NNMT: variants seen among roughly 807,000 people sequenced by gnomAD.
The protein encoded by NNMT is nicotinamide N-methyltransferase.
A neutral mutation model predicts 11.7 loss-of-function variants in NNMT; 10 were observed. That is an observed-to-expected ratio of 0.85 (90% CI 0.53 to 1.45). NNMT has a LOEUF of 1.45. NNMT is among the 40% of genes most tolerant of loss of function. NNMT has a pLI of 0.00. For missense variants in NNMT, 381 were observed against 319.4 expected (o/e 1.19, Z -1.47); for synonymous variants, 143 against 133.8 (o/e 1.07, Z -0.48).
At chr11:114,276,836 G>A (rs75630939) in intron 2 of NNMT, among the ~76,000 whole-genome samples, 3,661 of 152,324 alleles carry the variant, frequency 0.024, 130 homozygotes, top group African/African-American at 0.081. Flanking sequence ...CGCATCAGGA[G>A]ACATGGCTTT....
At chr11:114,306,400 GT>G (rs1460431859) in intron 2 of NNMT, among the ~76,000 whole-genome samples, 1 of 152,144 alleles carries the variant, frequency 6.6e-6, no homozygotes, top group Non-Finnish European at 1.5e-5. Context: ...TGCTTTTGGT[GT>G]TTTAGACATG....
At chr11:114,264,130 TTC>T (rs1391493873) in intron 2 of NNMT, among the ~76,000 whole-genome samples, 3 of 152,032 alleles carry the variant, frequency 2.0e-5, no homozygotes, top group Non-Finnish European at 4.4e-5. Flanking sequence ...TGTGCTTGTC[TTC>T]TGTTTGCTAC....
At chr11:114,275,174 C>A (rs140293958) in intron 2 of NNMT, among the ~76,000 whole-genome samples, 1 of 152,050 alleles carries the variant, frequency 6.6e-6, no homozygotes, top group African/African-American at 2.4e-5. Flanking sequence ...TAAAGAGTAA[C>A]CCTTTAAGTG....
chr11:114,294,748 A>G (rs1240678965), upstream of NNMT, among the ~76,000 whole-genome samples: 1 of 152,138 alleles, frequency 6.6e-6, no homozygotes, highest in African/African-American at 2.4e-5. Flanking sequence ...AAAAGTTTTT[A>G]AAAAGAAAAA....
chr11:114,298,587 C>T (rs1020472923), intron 2 of NNMT, among the ~76,000 whole-genome samples: 2 of 152,154 alleles, frequency 1.3e-5, no homozygotes, highest in African/African-American at 4.8e-5. Flanking sequence ...GCCATCCAAG[C>T]CTATAGAACT....
chr11:114,268,741 C>A (rs1945143836), intron 2 of NNMT, among the ~76,000 whole-genome samples: 1 of 147,306 alleles, frequency 6.8e-6, no homozygotes, highest in Non-Finnish European at 1.5e-5. Flanking sequence ...TGCACTCCAG[C>A]CTGGACGATG....
At chr11:114,294,127 C>A (rs1404524630), upstream of NNMT, among the ~76,000 whole-genome samples, 1 of 151,760 alleles carries the variant, frequency 6.6e-6, no homozygotes, top group Non-Finnish European at 1.5e-5. Flanking sequence ...AGGATGGTTA[C>A]GAGAGGATGG....
intron 2 of NNMT, among the ~76,000 whole-genome samples, chr11:114,302,197 A>G (rs896514841): frequency 6.6e-6 from 1 of 152,160 alleles, no homozygotes; most frequent in Non-Finnish European, 1.5e-5. Context: ...ATCTTGGTAT[A>G]TGATTTCTAT....
At chr11:114,260,382 G>C (rs1945068710) in intron 1 of NNMT, among the ~76,000 whole-genome samples, 1 of 152,206 alleles carries the variant, frequency 6.6e-6, no homozygotes, top group Non-Finnish European at 1.5e-5. Context: ...TTTGCTCTCA[G>C]CTTTTCTGCC....
At chr11:114,259,446 C>A (rs1945057791) in intron 1 of NNMT, among the ~76,000 whole-genome samples, 1 of 151,904 alleles carries the variant, frequency 6.6e-6, no homozygotes, top group Non-Finnish European at 1.5e-5. Context: ...GAGCAGGAGG[C>A]AACAGGGCAG....
upstream of NNMT, among the ~76,000 whole-genome samples, chr11:114,294,477 CAAAA>C: frequency 8.1e-6 from 1 of 123,444 alleles, no homozygotes. Context: ...GACTCCACAT[CAAAA>C]AAAAAAAAAA....
chr11:114,263,138 C>G (rs575799833), intron 2 of NNMT, among the ~76,000 whole-genome samples: 1 of 152,296 alleles, frequency 6.6e-6, no homozygotes, highest in Non-Finnish European at 1.5e-5. Flanking sequence ...ACAGCTGACA[C>G]CAGCTGAATG....
At chr11:114,311,745 T>C (rs1020608968) in intron 2 of NNMT, among the ~76,000 whole-genome samples, 5 of 152,214 alleles carry the variant, frequency 3.3e-5, no homozygotes, top group African/African-American at 1.2e-4. Context: ...AGTACTATAC[T>C]AAGCAGTGAA....
chr11:114,267,251 C>T (rs1233955881), intron 2 of NNMT, among the ~76,000 whole-genome samples: 4 of 152,098 alleles, frequency 2.6e-5, no homozygotes, highest in East Asian at 1.9e-4. Flanking sequence ...GGTGACAGAG[C>T]GAGACTCCAT....
intron 1 of NNMT, among the ~76,000 whole-genome samples, chr11:114,258,068 C>A (rs374937365): frequency 1.3e-5 from 2 of 152,196 alleles, no homozygotes; most frequent in East Asian, 3.9e-4. Flanking sequence ...CCCACTGCCG[C>A]CCCCTGCCAG....
intron 2 of NNMT, among the ~76,000 whole-genome samples, chr11:114,265,912 A>G (rs769304423): frequency 3.3e-5 from 5 of 152,106 alleles, no homozygotes; most frequent in Non-Finnish European, 7.4e-5. Context: ...GTCATCTGCG[A>G]GTCAGCTTGG....
At chr11:114,268,662 G>A (rs1275114094) in intron 2 of NNMT, among the ~76,000 whole-genome samples, 4 of 151,888 alleles carry the variant, frequency 2.6e-5, no homozygotes, top group South Asian at 2.1e-4. Flanking sequence ...CCAGCTACTC[G>A]GGAGGCTGAG....
At chr11:114,276,024 G>C (rs966126105) in intron 2 of NNMT, among the ~76,000 whole-genome samples, 2 of 152,176 alleles carry the variant, frequency 1.3e-5, no homozygotes, top group African/African-American at 4.8e-5. Flanking sequence ...GTGCTTACAT[G>C]TGACATTTGG....
chr11:114,288,229 C>T (rs769341695), intron 2 of NNMT, among the ~76,000 whole-genome samples: 3 of 151,756 alleles, frequency 2.0e-5, no homozygotes, highest in Non-Finnish European at 2.9e-5. Context: ...TTTAACCTGC[C>T]GTACTGTCCA....
Sources: allele counts gnomAD v4.1 joint callset (sites outside exome capture counted in the v4.1 genomes callset), GRCh38; gene constraint gnomAD v4.1.1; transcripts MANE v1.5; gene names NCBI Gene and HGNC (gene_info 2026-07-23, HGNC 2026-07-21).